The following UBR4 variants were observed in gnomAD, a reference collection of about 807,000 sequenced individuals.
UBR4 encodes the protein ubiquitin protein ligase E3 component n-recognin 4, also known as E3 ubiquitin-protein ligase UBR4.
In UBR4, 124 loss-of-function variants were observed where a neutral mutation model predicts 575.6. The ratio of observed to expected loss-of-function variants is 0.22; its 90% CI spans 0.19 to 0.25. UBR4 has a LOEUF of 0.25. Ranked by LOEUF, UBR4 falls within the 10% of genes least tolerant of loss-of-function variation. The probability of loss-of-function intolerance (pLI) is 1.00; values close to 1 mark genes in which losing one functional copy is unlikely to be tolerated. For missense variants in UBR4, 4,818 were observed against 6,478.8 expected, an observed-to-expected ratio of 0.74 and a Z score of 8.80; for synonymous variants, 2,455 against 2,473.7, an observed-to-expected ratio of 0.99 and a Z score of 0.22.
chr1:19,090,824 A>G (rs2077430383), intron 97 of UBR4, among the ~76,000 whole-genome samples: 1 of 152,178 alleles, frequency 6.6e-6, no homozygotes, highest in Non-Finnish European at 1.5e-5. Flanking sequence ...GCCAGACACA[A>G]TGGCTCACGT....
intron 14 of UBR4, among the ~76,000 whole-genome samples, chr1:19,186,109 TGGGTTCACTACAAC>T (rs2091502093): frequency 6.6e-6 from 1 of 152,172 alleles, no homozygotes; most frequent in South Asian, 2.1e-4. Flanking sequence ...GGCATGCCAG[TGGGTTCACTACAAC>T]AGGATTAGGT....
chr1:19,195,487 T>C (rs2092395988), intron 8 of UBR4, among the ~76,000 whole-genome samples: 1 of 152,146 alleles, frequency 6.6e-6, no homozygotes, highest in Admixed American at 6.5e-5. Context: ...TAGTCCTTAC[T>C]GACTTTAATC....
chr1:19,185,197 G>A lies in UBR4; in HGVS notation c.1840C>T (p.Pro614Ser). The change falls in exon 15 of 106, where the codon CCT (proline) becomes TCT (serine). Residue 614 changes from proline (P) to serine (S), a missense_variant. Physicochemically the swap from Pro to Ser is moderately conservative, Grantham distance 74. This residue lies in a region of UBR4 where 1,172 missense variants were observed against 1,259.7 expected (regional missense o/e 0.93). Transcript: ENST00000375254. The stretch of plus-strand genomic sequence containing the variant: ...CGAGGAGAGCTTTCCAGTGGAGGAG[G>A]TGGGGGAGGAGGCGGAGGTGCTGCT... ...EKAAPPPPPP[P>S]PPLESSPRVK... is the part of the protein sequence containing the mutation. The A allele has an allele frequency of 7.4e-6, 12 of 1,614,136 alleles. No homozygotes were observed. Among genetic ancestry groups the A allele is most frequent in the Non-Finnish European group, 8.5e-6 (10 of 1,180,006 alleles).
At chr1:19,151,341 T>A (rs144913339) in intron 48 of UBR4, 118 of 467,912 alleles carry the variant, frequency 2.5e-4, no homozygotes, top group Middle Eastern at 4.3e-4. Flanking sequence ...CAATTTCATG[T>A]CAATCTGCCT....
chr1:19,131,959 A>G (rs934057704), intron 60 of UBR4, among the ~76,000 whole-genome samples: 5 of 152,206 alleles, frequency 3.3e-5, no homozygotes, highest in African/African-American at 1.2e-4. Flanking sequence ...TAACAAAAAG[A>G]TAACTAGAAA....
Position 19,157,860 on chromosome 1 carries a change from G to A in UBR4, c.5715C>T (p.Pro1905=), listed in dbSNP as rs150282941. The part of the protein sequence containing the change: ...RRVAMCVLSS[P]HGRRQHLAVS... ...CAGCCAAATGTTGGCGGCGCCCATG[G>A]GGAGAGGAGAGCACACACATAGCCA... The change falls in exon 40 of 106, where the codon CCC becomes CCT. Residue 1905 remains proline (P), a synonymous_variant. Transcript: ENST00000375254. The surrounding 1 kb of genome is among the most constrained non-coding windows in gnomAD (Gnocchi z 4.4). 1 of 1,614,104 alleles carries A rather than the reference G, an allele frequency of 6.2e-7. No individual in the cohort carries two copies. The highest frequency in any genetic ancestry group is 1.7e-5 in the Admixed American group (1 of 60,012).
intron 93 of UBR4, among the ~76,000 whole-genome samples, chr1:19,095,311 T>A (rs2077921929): frequency 6.6e-6 from 1 of 152,066 alleles, no homozygotes; most frequent in East Asian, 1.9e-4. Flanking sequence ...TGATCTGAAC[T>A]CAGGAAAGGA....
intron 27 of UBR4, 147 bp from the exon 28 acceptor site, chr1:19,168,331 G>A: frequency 1.4e-6 from 1 of 704,446 alleles, no homozygotes; most frequent in South Asian, 5.0e-5. Flanking sequence ...ATTCATGCTG[G>A]GAAGGGAAGT....
At chr1:19,096,704 A>T in intron 91 of UBR4, 54 bp from the exon 92 acceptor site, 1 of 1,604,246 alleles carries the variant, frequency 6.2e-7, no homozygotes. Context: ...AGATGGGAAT[A>T]AAATAGGCCA....
rs768549155 is a variant in UBR4, at chr1:19,201,714, T to G, written c.274+4A>C. The stretch of plus-strand genomic sequence containing the variant: ...GAAGGGAAGGACAAGAGTGGAATAC[T>G]TACTGAGACTGCAAACTGTTGTAAT... On this transcript the variant is annotated splice_donor_region_variant and intron_variant, in intron 2 of 105. Coordinates refer to ENST00000375254, the MANE Select transcript of UBR4 (RefSeq NM_020765.3). 4.7e-5 allele frequency: 75 copies of G among 1,612,146 alleles called. No homozygotes were observed. The highest frequency in any genetic ancestry group is 5.9e-5 in the Non-Finnish European group (69 of 1,178,512).
chr1:19,107,572 C>T (rs1367268444), intron 81 of UBR4, among the ~76,000 whole-genome samples: 1 of 152,114 alleles, frequency 6.6e-6, no homozygotes, highest in African/African-American at 2.4e-5. Context: ...TGCTTTAGTC[C>T]AGGAGTTCGA....
At chr1:19,180,907 T>C (rs1201147576) in intron 17 of UBR4, among the ~76,000 whole-genome samples, 1 of 152,164 alleles carries the variant, frequency 6.6e-6, no homozygotes, top group Non-Finnish European at 1.5e-5. Flanking sequence ...GAGTCCTCCC[T>C]TCCTCCACTC....
intron 81 of UBR4, 74 bp from the exon 82 acceptor site, chr1:19,107,040 T>C: frequency 1.3e-6 from 2 of 1,574,676 alleles, no homozygotes; most frequent in African/African-American, 2.7e-5. Context: ...AGCATGGCAC[T>C]GGTGCCCCAG....
intron 38 of UBR4, 52 bp from the exon 39 acceptor site, chr1:19,160,333 A>C: frequency 1.0e-5 from 15 of 1,452,398 alleles, no homozygotes; most frequent in African/African-American, 1.4e-5. Flanking sequence ...AAGAAAAACA[A>C]TGGATAATAC....
chr1:19,114,679 A>G, intron 75 of UBR4, 132 bp downstream of exon 75: 1 of 1,173,602 alleles, frequency 8.5e-7, no homozygotes, highest in Non-Finnish European at 1.2e-6. Flanking sequence ...CCCACCCAAA[A>G]GCTGGGCCCT....
chr1:19,124,606 T>C lies in UBR4; in HGVS notation c.9523A>G (p.Thr3175Ala), dbSNP rs556809431. The C allele has an allele frequency of 9.9e-6, 16 of 1,614,234 alleles. No homozygotes were observed. The East Asian group carries it at 2.7e-4, about 27-fold the overall frequency. Residue 3175 changes from threonine (T) to alanine (A), a missense_variant, in exon 65 of 106, where the codon ACT becomes GCT. Physicochemically the swap from Thr to Ala is moderately conservative, Grantham distance 58 (BLOSUM62 0). Transcript: ENST00000375254. ...LRLPYQIKKI[T>A]DTNSRIPPPV... ...GGTGGGATTCGAGAATTGGTGTCAG[T>C]AATCTTTTTGATTTGGTAAGGAAGC... is the stretch of plus-strand genomic sequence containing the variant.
Position 19,093,888 on chromosome 1 carries a change from G to T in UBR4, c.13937+61C>A. On this transcript the variant is annotated intron_variant, in intron 95 of 105. Coordinates refer to ENST00000375254, the MANE Select transcript of UBR4 (RefSeq NM_020765.3). This position sits in a 1 kb window ranked among gnomAD's most constrained non-coding sequence, Gnocchi z 4.8. The stretch of plus-strand genomic sequence containing the variant: ...TCAGAGGATTCTTCCTCATCTCACA[G>T]ACCTAGTTCGGCGTTTTAGTGGAGA... 2 of 1,541,022 alleles carry T rather than the reference G, an allele frequency of 1.3e-6. No homozygotes were observed. The highest frequency in any genetic ancestry group is 1.2e-5 in the South Asian group (1 of 80,198).
At position 19,145,846 on chromosome 1, in the gene UBR4, T is replaced by C; in HGVS notation, c.7892A>G (p.Lys2631Arg). ...FITQLVNHFWKLHASKPKNAF... is the reference protein window; with the variant it reads ...FITQLVNHFWRLHASKPKNAF... ...ATTCTTGGGTTTGGATGCATGGAGT[T>C]TCCAGAAGTGGTTCACAAGCTGGGT... The change falls in exon 53 of 106, where the codon AAA (lysine) becomes AGA (arginine). Residue 2631 changes from lysine (K) to arginine (R), a missense_variant. Lys to Arg is a conservative substitution (Grantham distance 26, BLOSUM62 2). Around this residue, in one of 29 missense-constraint regions of UBR4, gnomAD observed 340 missense variants for 375.4 expected, o/e 0.91. Transcript: ENST00000375254. 6.2e-7 allele frequency: 1 copy of C among 1,614,204 alleles called. No individual in the cohort carries two copies. The highest frequency in any genetic ancestry group is 8.5e-7 in the Non-Finnish European group (1 of 1,180,032).
Position 19,173,248 on chromosome 1 carries a change from G to T in UBR4, c.3224C>A (p.Ala1075Glu), listed in dbSNP as rs140799612. The T allele has an allele frequency of 6.2e-7, 1 of 1,614,106 alleles. No individual in the cohort carries two copies. The highest frequency in any genetic ancestry group is 1.3e-5 in the African/African-American group (1 of 74,938). Residue 1075 changes from alanine to glutamate, a missense_variant, in exon 24 of 106, where the codon GCA becomes GAA. By Grantham distance (107) the Ala-to-Glu change is moderately radical (BLOSUM62 -1). Transcript: ENST00000375254. ...AEHASSLLELASTTKCSSVKY... is the reference protein window; with the variant it reads ...AEHASSLLELESTTKCSSVKY... ...CACTGAGCTACACTTAGTGGTGGAT[G>T]CCAGTTCTAGAAGCGAGCTAGCATG...
Sources: allele counts gnomAD v4.1 joint callset (sites outside exome capture counted in the v4.1 genomes callset), GRCh38; gene constraint gnomAD v4.1.1; regional missense constraint gnomAD v4.1.1; non-coding constraint Gnocchi (gnomAD v3.1); transcripts MANE v1.5; gene names NCBI Gene and HGNC (gene_info 2026-07-23, HGNC 2026-07-21).